Variants in MXD1 observed in about 807,000 individuals in gnomAD.
MXD1 encodes the protein MAX-binding protein.
A neutral mutation model predicts 25.7 loss-of-function variants in MXD1; 9 were observed. That is an observed-to-expected ratio of 0.35 (90% CI 0.21 to 0.61). The LOEUF is 0.61. Among genes scored for constraint, MXD1 ranks in the 20% least tolerant of loss-of-function variants. The probability of loss-of-function intolerance (pLI) is 0.75; values close to 1 mark genes in which losing one functional copy is unlikely to be tolerated. For missense variants in MXD1, 227 were observed against 292.4 expected (o/e 0.78, Z 1.63); for synonymous variants, 99 against 113.9 (o/e 0.87, Z 0.83).
At chr2:69,920,540 G>C (rs772804210) in intron 2 of MXD1, among the ~76,000 whole-genome samples, 36 of 151,004 alleles carry the variant, frequency 2.4e-4, no homozygotes, top group Admixed American at 1.7e-3. Flanking sequence ...CCCATTCTCT[G>C]ATGAGTGAAC....
intron 3 of MXD1, among the ~76,000 whole-genome samples, chr2:69,934,410 G>T (rs920058538): frequency 6.6e-6 from 1 of 152,124 alleles, no homozygotes; most frequent in Non-Finnish European, 1.5e-5. Flanking sequence ...AGCAACTCTC[G>T]TGCTCTCTCT....
At chr2:69,933,128 G>A (rs1052782200) in intron 3 of MXD1, among the ~76,000 whole-genome samples, 3 of 150,032 alleles carry the variant, frequency 2.0e-5, no homozygotes, top group African/African-American at 7.4e-5. Context: ...GAGCCTGGGA[G>A]GCAGAGGTTG....
intron 2 of MXD1, among the ~76,000 whole-genome samples, 175 bp from the exon 3 acceptor site, chr2:69,921,561 T>C (rs1677064316): frequency 6.6e-6 from 1 of 152,238 alleles, no homozygotes; most frequent in Non-Finnish European, 1.5e-5. Context: ...GGATTTACAT[T>C]TATCTAACTC....
chr2:69,932,250 G>T (rs1677304404), intron 3 of MXD1, among the ~76,000 whole-genome samples: 2 of 152,160 alleles, frequency 1.3e-5, no homozygotes, highest in Non-Finnish European at 2.9e-5. Context: ...GTGTGTGTGT[G>T]TCAGGGTTGG....
rs114949249 is a variant in MXD1, at chr2:69,937,215, A to G, written c.319-20A>G. ...AGAGATCTCCCTGTGGGGCCCAACA[A>G]CTACCCCTTTGACTTGCAGAAACTT... On this transcript the variant is annotated intron_variant, in intron 4 of 5. Coordinates refer to ENST00000264444, the MANE Select transcript of MXD1 (RefSeq NM_002357.4). 1,971 of 1,611,920 alleles carry G rather than the reference A, an allele frequency of 1.2e-3. 16 individuals carry two copies. In the African/African-American group the frequency reaches 0.022, roughly 18 times the overall value.
intron 5 of MXD1, 142 bp from the exon 6 acceptor site, chr2:69,937,955 C>T (rs779595066): frequency 5.8e-5 from 42 of 725,610 alleles, no homozygotes; most frequent in Non-Finnish European, 9.0e-5. Context: ...CTGTGTTGGC[C>T]CAGCTGGTCT....
intron 3 of MXD1, among the ~76,000 whole-genome samples, chr2:69,925,832 G>A (rs1257797901): frequency 5.3e-5 from 8 of 152,106 alleles, no homozygotes; most frequent in Non-Finnish European, 7.4e-5. Context: ...TGGTGAACAC[G>A]TTTTTAGGAT....
At chr2:69,930,422 C>T (rs1163147197) in intron 3 of MXD1, among the ~76,000 whole-genome samples, 13 of 152,112 alleles carry the variant, frequency 8.5e-5, no homozygotes, top group Admixed American at 8.5e-4. Flanking sequence ...GAGGCAGCTG[C>T]CTCCCTCCCA....
rs746004990 is a variant in MXD1, at chr2:69,921,711, C to T, written c.174-25C>T. 2.5e-6 allele frequency: 4 copies of T among 1,599,500 alleles called. No individual in the cohort carries two copies. The Admixed American group carries it at 6.8e-5, about 27-fold the overall frequency. ...TTCTTTAAGACAAAAATATCTTATT[C>T]TTCTCTTATTGTTCCCTCTTTCAGA... On this transcript the variant is annotated intron_variant, in intron 2 of 5. Transcript: ENST00000264444.
rs1677568784 is a variant in MXD1 at position 69,940,436 on chromosome 2, G to C, written c.*2152G>C. The C allele has an allele frequency of 6.6e-6, 1 of 152,602 alleles. No individual in the cohort carries two copies. Among genetic ancestry groups the C allele is most frequent in the Non-Finnish European group, 1.5e-5 (1 of 68,034 alleles). 9.5% of individuals were successfully genotyped at this position (152,602 alleles called of 1,614,324 possible). On this transcript the variant is annotated 3_prime_UTR_variant, in exon 6 of 6. Coordinates refer to ENST00000264444, the MANE Select transcript of MXD1 (RefSeq NM_002357.4). ...ATGCGGGACAGCATCAAAAGCTCAA[G>C]ACTTTGGAAAAAGCTTGTGGGCTTG...
chr2:69,918,100 C>T (rs1335806092), intron 2 of MXD1, among the ~76,000 whole-genome samples: 1 of 152,162 alleles, frequency 6.6e-6, no homozygotes, highest in African/African-American at 2.4e-5. Context: ...AACAAGCAAT[C>T]ATAATGGAGA....
In MXD1 at chr2:69,925,708, CT is replaced by C. The variant is rs533603685; in HGVS notation, c.203+3944del. On this transcript the variant is annotated intron_variant, in intron 3 of 5. Transcript: ENST00000264444. ...TGTTAAACCTCATATAATCAGTCCC[CT>C]GGTTTAGATTCTTCCCAGAACCTAA... Among the ~76,000 whole-genome samples, 103 of 152,288 alleles carry C rather than the reference CT, an allele frequency of 6.8e-4. 1 individual carries two copies. Among genetic ancestry groups the C allele is most frequent in the African/African-American group, 2.4e-3 (101 of 41,550 alleles).
intron 3 of MXD1, among the ~76,000 whole-genome samples, chr2:69,926,846 G>A (rs2104180509): frequency 6.6e-6 from 1 of 152,292 alleles, no homozygotes; most frequent in Non-Finnish European, 1.5e-5. Flanking sequence ...ATAAGCTACA[G>A]CCAATAGGTC....
intron 3 of MXD1, among the ~76,000 whole-genome samples, chr2:69,931,051 G>A (rs1677269673): frequency 6.6e-6 from 1 of 152,142 alleles, no homozygotes; most frequent in South Asian, 2.1e-4. Context: ...TTTAATTTTT[G>A]TGGGTATGTA....
rs1354989459 is a variant in MXD1 at position 69,938,481 on chromosome 2, C to T, written c.*197C>T. 2 of 571,134 alleles carry T rather than the reference C, an allele frequency of 3.5e-6. No individual in the cohort carries two copies. The highest frequency in any genetic ancestry group is 3.1e-6 in the Non-Finnish European group (1 of 323,894). 35.4% of individuals were successfully genotyped at this position (571,134 alleles called of 1,614,324 possible). On this transcript the variant is annotated 3_prime_UTR_variant, in exon 6 of 6. Transcript: ENST00000264444. ...TGCATCCACTAGCTTCTCTTTTTCT[C>T]GCCATAAAAATTTGTCTCTGAGAGA...
chr2:69,917,774 A>G (rs1254035613), intron 2 of MXD1, among the ~76,000 whole-genome samples: 1 of 152,020 alleles, frequency 6.6e-6, no homozygotes, highest in Non-Finnish European at 1.5e-5. Context: ...AAGAATCTTA[A>G]GCCAAGAAAT....
At chr2:69,927,784 T>A (rs891540693) in intron 3 of MXD1, among the ~76,000 whole-genome samples, 5 of 152,262 alleles carry the variant, frequency 3.3e-5, no homozygotes, top group East Asian at 3.8e-4. Context: ...CTGCTATTTA[T>A]GTATTATTCA....
intron 3 of MXD1, among the ~76,000 whole-genome samples, chr2:69,933,220 A>C (rs986646481): frequency 2.6e-4 from 38 of 147,274 alleles, no homozygotes; most frequent in African/African-American, 4.0e-4. Context: ...AAAAAAAAAA[A>C]AAAACAAAAA....
rs1229358154 is a variant in MXD1, at chr2:69,938,795, G to GA, written c.*513dup. The GA allele has an allele frequency of 1.9e-5, 3 of 153,922 alleles. No homozygotes were observed. The highest frequency in any genetic ancestry group is 7.2e-5 in the African/African-American group (3 of 41,458). 9.5% of individuals were successfully genotyped at this position (153,922 alleles called of 1,614,324 possible). On this transcript the variant is annotated 3_prime_UTR_variant, in exon 6 of 6. Transcript: ENST00000264444. ...AACCATGGACCTCACCACCAGTGAG[G>GA]AAGTCAGGAATACCTCTAGAAAACA... is the stretch of plus-strand genomic sequence containing the variant.
Sources: gnomAD v4.1 joint callset for allele counts (sites outside exome capture counted in the v4.1 genomes callset) on GRCh38, gnomAD v4.1.1 for gene constraint, MANE v1.5 for transcripts, NCBI Gene and HGNC (gene_info 2026-07-23, HGNC 2026-07-21) for gene names.